GPRC6A: variants seen among roughly 807,000 people sequenced by gnomAD.
The protein encoded by GPRC6A is G protein-coupled receptor class C group 6 member A, also known as G protein-coupled receptor family C group 6 member A.
A neutral mutation model predicts 47.0 loss-of-function variants in GPRC6A; 54 were observed. The ratio of observed to expected loss-of-function variants is 1.15; its 90% CI spans 0.92 to 1.44. The LOEUF is 1.44. GPRC6A is among the 40% of genes most tolerant of loss of function. GPRC6A has a pLI of 0.00. For synonymous variants in GPRC6A, 347 were observed against 377.1 expected (o/e 0.92, Z 0.93); for missense variants, 1,112 against 1,105.5 (o/e 1.01, Z -0.08).
chr6:116,808,464 T>C (rs1271040800), intron 2 of GPRC6A, among the ~76,000 whole-genome samples: 1 of 152,178 alleles, frequency 6.6e-6, no homozygotes, highest in Non-Finnish European at 1.5e-5. Flanking sequence ...TCTTTTTGTT[T>C]AATCGTTTTG....
In GPRC6A at chr6:116,793,210, C is replaced by T; in HGVS notation, c.1713G>A (p.Trp571Ter). 1 of 1,604,878 alleles carries T rather than the reference C, an allele frequency of 6.2e-7. No individual in the cohort carries two copies. Among genetic ancestry groups the T allele is most frequent in the East Asian group, 2.2e-5 (1 of 44,798 alleles). ...AGCACATAGTGCTCCTAACAGGGGC[C>T]CAGTGAGTTTTGTTGTTGCATAAAA... ...HCLLCNNKTH[W>*]APVRSTMCFE... Residue 571 changes from tryptophan (W) to a stop codon, truncating the protein, a stop_gained, in exon 6 of 6, where the codon TGG becomes TGA. Coordinates refer to ENST00000310357, the MANE Select transcript of GPRC6A (RefSeq NM_148963.4). LOFTEE classifies it low-confidence loss of function (END_TRUNC).
Position 116,792,239 on chromosome 6 carries a change from C to T in GPRC6A, c.2684G>A (p.Ser895Asn). ...AAATGCTTGTGCCTGAAGATCTTTGCTTTTCTGCCAGGTTGCAGACTTGCC... is the reference window on the plus strand; with the variant it reads ...AAATGCTTGTGCCTGAAGATCTTTGTTTTTCTGCCAGGTTGCAGACTTGCC... ...SSGKSATWQK[S>N]KDLQAQAFAH... The change falls in exon 6 of 6, where the codon AGC (serine) becomes AAC (asparagine). Residue 895 changes from serine (S) to asparagine (N), a missense_variant. Physicochemically the swap from Ser to Asn is conservative, Grantham distance 46 (BLOSUM62 1). Coordinates refer to ENST00000310357, the MANE Select transcript of GPRC6A (RefSeq NM_148963.4). The T allele has an allele frequency of 1.2e-6, 2 of 1,613,996 alleles. No individual in the cohort carries two copies. The highest frequency in any genetic ancestry group is 1.7e-6 in the Non-Finnish European group (2 of 1,179,944).
intron 4 of GPRC6A, among the ~76,000 whole-genome samples, chr6:116,798,405 C>G (rs1772554292): frequency 6.6e-6 from 1 of 152,044 alleles, no homozygotes; most frequent in Admixed American, 6.6e-5. Context: ...GACTGAAAAG[C>G]CTGTGGGATC....
At chr6:116,811,448 GA>G (rs142146461) in intron 1 of GPRC6A, among the ~76,000 whole-genome samples, 15 of 151,270 alleles carry the variant, frequency 9.9e-5, no homozygotes, top group Non-Finnish European at 1.5e-4. Context: ...TGGTCTTTAA[GA>G]AAAAAAATGT....
intron 1 of GPRC6A, among the ~76,000 whole-genome samples, chr6:116,827,120 T>C (rs891234041): frequency 1.3e-5 from 2 of 151,774 alleles, no homozygotes; most frequent in Admixed American, 1.3e-4. Context: ...AGATAAAAGA[T>C]AGAAGTTCAA....
At chr6:116,807,338 C>T in intron 2 of GPRC6A, 132 bp from the exon 3 acceptor site, 1 of 636,064 alleles carries the variant, frequency 1.6e-6, no homozygotes, top group Non-Finnish European at 2.8e-6. Context: ...TTTCATCCTT[C>T]TCCTTACTTA....
chr6:116,805,239 T>C (rs1288128053), intron 3 of GPRC6A, among the ~76,000 whole-genome samples: 1 of 152,000 alleles, frequency 6.6e-6, no homozygotes, highest in Non-Finnish European at 1.5e-5. Flanking sequence ...TGGCTTTGTA[T>C]TCATAAGGTG....
Position 116,807,035 on chromosome 6 carries a change from C to G in GPRC6A, c.670G>C (p.Ala224Pro), listed in dbSNP as rs149304182. The change falls in exon 3 of 6, where the codon GCT becomes CCT. Residue 224 changes from alanine (A) to proline (P), a missense_variant. By Grantham distance (27) the Ala-to-Pro change is conservative. Transcript: ENST00000310357. ...ITTDDDYGRL[A>P]LNTFIIQAEA... ...GCCTGAATTATAAAAGTGTTAAGAG[C>G]CAATCGTCCATAGTCATCATCTGTG... The G allele has an allele frequency of 6.2e-7, 1 of 1,613,636 alleles. No individual in the cohort carries two copies. The highest frequency in any genetic ancestry group is 1.3e-5 in the African/African-American group (1 of 74,882).
intron 4 of GPRC6A, among the ~76,000 whole-genome samples, chr6:116,798,594 G>A (rs962129811): frequency 2.6e-5 from 4 of 152,122 alleles, no homozygotes; most frequent in African/African-American, 9.7e-5. Flanking sequence ...TTTGAAAACA[G>A]ACTGAAGGGG....
Position 116,800,578 on chromosome 6 carries a change from G to A in GPRC6A, c.1548+6C>T. On this transcript the variant is annotated splice_donor_region_variant and intron_variant, in intron 4 of 5. Transcript: ENST00000310357. ...AGTGCTACAAAACGGCCTACAACAA[G>A]GTTACCTTAAGATTCCTGAACTCAT... 1.2e-6 allele frequency: 2 copies of A among 1,603,834 alleles called. No homozygotes were observed. Among genetic ancestry groups the A allele is most frequent in the Non-Finnish European group, 1.7e-6 (2 of 1,170,976 alleles).
At chr6:116,793,766 G>C (rs140794125) in intron 5 of GPRC6A, among the ~76,000 whole-genome samples, 133 of 152,248 alleles carry the variant, frequency 8.7e-4, no homozygotes, top group African/African-American at 3.0e-3. Flanking sequence ...AATGTAAAAT[G>C]CTTCACACAG....
rs536586659 is a variant in GPRC6A at position 116,817,724 on chromosome 6, C to T, written c.195-8107G>A. On this transcript the variant is annotated intron_variant, in intron 1 of 5. Transcript: ENST00000310357. ...GCTGAAAGCCAAGGCTCGAGAACTACGTGAAGAATGCAGAAGCCTCAGGAG... is the reference window on the plus strand; with the variant it reads ...GCTGAAAGCCAAGGCTCGAGAACTATGTGAAGAATGCAGAAGCCTCAGGAG... 1.7e-3 allele frequency among the ~76,000 whole-genome samples: 259 copies of T among 151,768 alleles called. 1 individual carries two copies. The highest frequency in any genetic ancestry group is 6.0e-3 in the African/African-American group (248 of 41,350).
At chr6:116,814,611 G>A (rs143800687) in intron 1 of GPRC6A, among the ~76,000 whole-genome samples, 11,923 of 152,156 alleles carry the variant, frequency 0.078, 499 homozygotes, top group Admixed American at 0.12. Context: ...CATGTGGTGG[G>A]GGGATGGGGG....
At chr6:116,803,605 A>G (rs538917961) in intron 3 of GPRC6A, among the ~76,000 whole-genome samples, 2 of 152,240 alleles carry the variant, frequency 1.3e-5, no homozygotes, top group South Asian at 4.1e-4. Context: ...CTGATGGACA[A>G]GGCTCTAATA....
Position 116,806,537 on chromosome 6 carries a change from T to G in GPRC6A, c.1168A>C (p.Lys390Gln). 6.2e-7 allele frequency: 1 copy of G among 1,613,644 alleles called. No individual in the cohort carries two copies. The highest frequency in any genetic ancestry group is 8.5e-7 in the Non-Finnish European group (1 of 1,179,752). Residue 390 changes from lysine (K) to glutamine (Q), a missense_variant, in exon 3 of 6, where the codon AAG becomes CAG. Coordinates refer to ENST00000310357, the MANE Select transcript of GPRC6A (RefSeq NM_148963.4). ...SQRTLAYKAN[K>Q]AIERNFVMRN... is the part of the protein sequence containing the mutation. ...ATGACGAAGTTCCTTTCTATAGCCT[T>G]GTTAGCCTTGTAGGCCAAAGTCCTT...
intron 5 of GPRC6A, among the ~76,000 whole-genome samples, chr6:116,795,277 T>G (rs1453239454): frequency 6.6e-6 from 1 of 152,212 alleles, no homozygotes; most frequent in Non-Finnish European, 1.5e-5. Context: ...TGCCAGGATG[T>G]GCACACCTGT....
chr6:116,797,275 G>T (rs1397841523), intron 4 of GPRC6A, among the ~76,000 whole-genome samples: 3 of 152,068 alleles, frequency 2.0e-5, no homozygotes, highest in South Asian at 2.1e-4. Context: ...TCTTAATCCA[G>T]TCTATCATTG....
chr6:116,828,884 T>C lies in GPRC6A; in HGVS notation c.130A>G (p.Ile44Val). ...TCTGAGGACAACATTTTTTCATGAA[T>C]AGCAAACAAACCTCCAATTATGATA... Reference protein sequence around the residue: ...GHIIIGGLFAIHEKMLSSEDS... With the variant: ...GHIIIGGLFAVHEKMLSSEDS... The change falls in exon 1 of 6, where the codon ATT (isoleucine) becomes GTT (valine). Residue 44 changes from isoleucine to valine, a missense_variant. By Grantham distance (29) the Ile-to-Val change is conservative (BLOSUM62 3). Coordinates refer to ENST00000310357, the MANE Select transcript of GPRC6A (RefSeq NM_148963.4). The C allele has an allele frequency of 3.7e-6, 6 of 1,613,188 alleles. No homozygotes were observed. Among genetic ancestry groups the C allele is most frequent in the Non-Finnish European group, 5.1e-6 (6 of 1,179,440 alleles).
chr6:116,809,448 A>T lies in GPRC6A; in HGVS notation c.364T>A (p.Cys122Ser). The T allele has an allele frequency of 4.3e-6, 7 of 1,613,744 alleles. No homozygotes were observed. Among genetic ancestry groups the T allele is most frequent in the Non-Finnish European group, 5.9e-6 (7 of 1,179,790 alleles). The change falls in exon 2 of 6, where the codon TGC becomes AGC. Residue 122 changes from cysteine (C) to serine (S), a missense_variant. Coordinates refer to ENST00000310357, the MANE Select transcript of GPRC6A (RefSeq NM_148963.4). ...ATLRFLSKFN[C>S]SRETVEFKCD... ...TTAAACTCCACAGTTTCTCTGGAGCAGTTGAATTTAGAAAGAAACCTCAGA... is the reference window on the plus strand; with the variant it reads ...TTAAACTCCACAGTTTCTCTGGAGCTGTTGAATTTAGAAAGAAACCTCAGA...
Sources: allele counts gnomAD v4.1 joint callset (sites outside exome capture counted in the v4.1 genomes callset), GRCh38; gene constraint gnomAD v4.1.1; transcripts MANE v1.5; gene names NCBI Gene and HGNC (gene_info 2026-07-23, HGNC 2026-07-21).